Variants in GATAD2A observed in about 807,000 individuals in gnomAD.
The protein encoded by GATAD2A is transcriptional repressor p66-alpha.
A neutral mutation model predicts 68.5 loss-of-function variants in GATAD2A; 12 were observed. The ratio of observed to expected loss-of-function variants is 0.18; its 90% CI spans 0.11 to 0.28. GATAD2A has a LOEUF of 0.28. Ranked by LOEUF, GATAD2A falls within the 10% of genes least tolerant of loss-of-function variation. The pLI is 1.00. For missense variants in GATAD2A, 755 were observed against 868.5 expected, an observed-to-expected ratio of 0.87 and a Z score of 1.64; for synonymous variants, 410 against 375.3, an observed-to-expected ratio of 1.09 and a Z score of -1.07.
Position 19,437,663 on chromosome 19 carries a change from G to A in GATAD2A, c.-6-27677G>A, listed in dbSNP as rs1439545431. 6.6e-5 allele frequency among the ~76,000 whole-genome samples: 10 copies of A among 152,006 alleles called. No individual in the cohort carries two copies. In the East Asian group the frequency reaches 1.9e-3, roughly 29 times the overall value. On this transcript the variant is annotated intron_variant, in intron 1 of 11. Coordinates refer to ENST00000683918, the MANE Select transcript of GATAD2A (RefSeq NM_001384528.1). ...GATTTGCCTGTTGTGGACATTTATT[G>A]TAAATGGACTCTTATACTTGTGTAA...
upstream of GATAD2A, among the ~76,000 whole-genome samples, chr19:19,401,434 CGATCTCCT>C (rs2049739077): frequency 6.6e-6 from 1 of 151,932 alleles, no homozygotes; most frequent in African/African-American, 2.4e-5. Flanking sequence ...AGGATGGTCT[CGATCTCCT>C]GATCTCGTGA....
At chr19:19,461,194 T>TA (rs1410926851) in intron 1 of GATAD2A, among the ~76,000 whole-genome samples, 7 of 152,216 alleles carry the variant, frequency 4.6e-5, no homozygotes, top group African/African-American at 9.6e-5. Context: ...TTAACCCACT[T>TA]ACTGCGAAGC....
At chr19:19,429,821 C>G (rs749542411) in intron 1 of GATAD2A, among the ~76,000 whole-genome samples, 1 of 152,034 alleles carries the variant, frequency 6.6e-6, no homozygotes. Context: ...ACGATTGGGT[C>G]TTGGTCCTCC....
chr19:19,454,573 G>C (rs1568300969), intron 1 of GATAD2A, among the ~76,000 whole-genome samples: 1 of 151,650 alleles, frequency 6.6e-6, no homozygotes, highest in Non-Finnish European at 1.5e-5. Context: ...CCCCCAGCCT[G>C]GGTGACAGAG....
intron 1 of GATAD2A, among the ~76,000 whole-genome samples, chr19:19,419,421 C>T (rs981758280): frequency 1.1e-4 from 16 of 151,696 alleles, no homozygotes; most frequent in African/African-American, 3.9e-4. Context: ...TGGGCTCAGT[C>T]CTGGGAGTTT....
intron 11 of GATAD2A, among the ~76,000 whole-genome samples, chr19:19,502,883 G>A (rs915602361): frequency 1.3e-5 from 2 of 152,154 alleles, no homozygotes; most frequent in Non-Finnish European, 2.9e-5. Flanking sequence ...TCTTTGTGCC[G>A]CAGCAAACAT....
chr19:19,492,485 C>A, intron 3 of GATAD2A, 47 bp downstream of exon 3: 1 of 1,612,914 alleles, frequency 6.2e-7, no homozygotes. Context: ...TGTGCCCTTC[C>A]TACTCATGAC....
At position 19,494,494 on chromosome 19, in the gene GATAD2A, C is replaced by G. The variant is rs945263152; in HGVS notation, c.624+111C>G. ...GGCCCAGGTTCTGCAAGAGGTTGCG[C>G]TTTCCTTCTGAGTAGGCTGGAGTGA... On this transcript the variant is annotated intron_variant, in intron 5 of 11. Transcript: ENST00000683918. 7.6e-6 allele frequency: 5 copies of G among 656,768 alleles called. No homozygotes were observed. In the African/African-American group the frequency reaches 9.0e-5, roughly 12 times the overall value. 40.7% of individuals were successfully genotyped at this position (656,768 alleles called of 1,614,324 possible).
At chr19:19,402,126 A>G (rs750603999), upstream of GATAD2A, 4 of 152,112 alleles carry the variant, frequency 2.6e-5, no homozygotes, top group Non-Finnish European at 5.9e-5. Flanking sequence ...TGGCACAATC[A>G]TGGTTCACTG....
At chr19:19,493,244 C>G (rs2059922985) in intron 4 of GATAD2A, among the ~76,000 whole-genome samples, 1 of 152,230 alleles carries the variant, frequency 6.6e-6, no homozygotes, top group Non-Finnish European at 1.5e-5. Flanking sequence ...CGCCCTAAAG[C>G]TCACTTAGAC....
At chr19:19,397,250 TA>T (rs1245187060) in intron 1 of GATAD2A, among the ~76,000 whole-genome samples, 2 of 152,114 alleles carry the variant, frequency 1.3e-5, no homozygotes, top group East Asian at 1.9e-4. Flanking sequence ...ATTGAGCTTT[TA>T]TTTTTTTTGA....
chr19:19,408,456 A>C (rs914657506), intron 1 of GATAD2A, among the ~76,000 whole-genome samples: 18 of 152,224 alleles, frequency 1.2e-4, no homozygotes, highest in African/African-American at 4.1e-4. Flanking sequence ...CAGAATGTCA[A>C]TAAAGGTCTC....
Position 19,495,800 on chromosome 19 carries a change from T to C in GATAD2A, c.671T>C (p.Val224Ala), listed in dbSNP as rs1161406459. Residue 224 changes from valine to alanine, a missense_variant, in exon 6 of 12, where the codon GTC (valine) becomes GCC (alanine). Coordinates refer to ENST00000683918, the MANE Select transcript of GATAD2A (RefSeq NM_001384528.1). ...GGCAGTGTCATACCCCCGCCCCTGG[T>C]CCGAGGTGGGCAGCAGGCGTCCTCG... Reference protein sequence around the residue: ...MPGSVIPPPLVRGGQQASSKL... With the variant: ...MPGSVIPPPLARGGQQASSKL... 2 of 1,613,714 alleles carry C rather than the reference T, an allele frequency of 1.2e-6. No individual in the cohort carries two copies. Among genetic ancestry groups the C allele is most frequent in the Non-Finnish European group, 1.7e-6 (2 of 1,179,820 alleles).
chr19:19,492,957 T>G (rs572440226), intron 4 of GATAD2A, among the ~76,000 whole-genome samples: 1 of 151,950 alleles, frequency 6.6e-6, no homozygotes, highest in South Asian at 2.1e-4. Context: ...TTTTTTTTTT[T>G]TTGAGATGGA....
At chr19:19,451,238 G>A (rs570936889) in intron 1 of GATAD2A, among the ~76,000 whole-genome samples, 15 of 151,814 alleles carry the variant, frequency 9.9e-5, no homozygotes, top group African/African-American at 2.2e-4. Context: ...AAAATTAGCC[G>A]TTTGTGGTGG....
In GATAD2A at chr19:19,507,443, C is replaced by T. The variant is rs535568138; in HGVS notation, c.*1969C>T. On this transcript the variant is annotated 3_prime_UTR_variant, in exon 12 of 12. Coordinates refer to ENST00000683918, the MANE Select transcript of GATAD2A (RefSeq NM_001384528.1). ...GGCTTCTTCCCACTGAAAGCCCTCC[C>T]CAGCGAACCAACCTCAGTTCTATGC... 2.0e-5 allele frequency: 3 copies of T among 152,326 alleles called. No homozygotes were observed. Among genetic ancestry groups the T allele is most frequent in the South Asian group, 2.1e-4 (1 of 4,820 alleles). The allele number at this position is 152,326 out of a possible 1,614,324, so 9.4% of individuals were successfully genotyped here.
At chr19:19,493,988 ATTCTGTCCC>A (rs1315947854) in intron 4 of GATAD2A, among the ~76,000 whole-genome samples, 1 of 152,122 alleles carries the variant, frequency 6.6e-6, no homozygotes, top group Non-Finnish European at 1.5e-5. Flanking sequence ...ACCATCAGCC[ATTCTGTCCC>A]CTAGAGGGCA....
At chr19:19,445,443 G>A (rs1004995238) in intron 1 of GATAD2A, among the ~76,000 whole-genome samples, 5 of 152,162 alleles carry the variant, frequency 3.3e-5, no homozygotes, top group Admixed American at 1.3e-4. Context: ...CAGTTTTAAC[G>A]TTTTTAAAGT....
chr19:19,395,906 T>C (rs1309030815), intron 1 of GATAD2A, among the ~76,000 whole-genome samples: 1 of 152,228 alleles, frequency 6.6e-6, no homozygotes, highest in East Asian at 1.9e-4. Flanking sequence ...TGGCCTACTC[T>C]TTCTGAGCCT....
Sources: allele counts gnomAD v4.1 joint callset (sites outside exome capture counted in the v4.1 genomes callset), GRCh38; gene constraint gnomAD v4.1.1; transcripts MANE v1.5; gene names NCBI Gene and HGNC (gene_info 2026-07-23, HGNC 2026-07-21).